Variants in FXR2 observed in about 807,000 individuals in gnomAD.
FXR2 encodes FMR1 autosomal homolog 2.
A neutral mutation model predicts 87.3 loss-of-function variants in FXR2; 9 were observed. That is an observed-to-expected ratio of 0.10 (90% CI 0.06 to 0.18). The LOEUF is 0.18. FXR2 is among the 10% of genes least tolerant of loss of function. The probability of loss-of-function intolerance (pLI) is 1.00; values close to 1 mark genes in which losing one functional copy is unlikely to be tolerated. For synonymous variants in FXR2, 331 were observed against 328.3 expected (o/e 1.01, Z -0.09); for missense variants, 661 against 893.6 (o/e 0.74, Z 3.32).
intron 1 of FXR2, among the ~76,000 whole-genome samples, chr17:7,613,730 T>C (rs1273725835): frequency 6.6e-6 from 1 of 152,208 alleles, no homozygotes; most frequent in Non-Finnish European, 1.5e-5. Context: ...TGAAGGTATC[T>C]GAGGTCTAAG....
chr17:7,605,915 G>A (rs1461213916), intron 2 of FXR2, 177 bp from the exon 3 acceptor site: 9 of 642,780 alleles, frequency 1.4e-5, no homozygotes, highest in Non-Finnish European at 2.2e-5. Context: ...CTAAATACTG[G>A]GTCAAATGCC....
rs1310400886 is a variant in FXR2, at chr17:7,595,535, C to G, written c.831+289G>C. Among the ~76,000 whole-genome samples the G allele has an allele frequency of 6.6e-6, 1 of 152,104 alleles. No individual in the cohort carries two copies. The highest frequency in any genetic ancestry group is 1.5e-5 in the Non-Finnish European group (1 of 68,034). ...CAGGTTGTTCTCCAACTCCCAGGCT[C>G]AAGTGATCCTCCCCTCTATCTTCCC... On this transcript the variant is annotated intron_variant, in intron 8 of 16. Transcript: ENST00000250113. The surrounding 1 kb of genome is among the most constrained non-coding windows in gnomAD (Gnocchi z 4.7).
At chr17:7,612,049 A>G (rs2071868985) in intron 1 of FXR2, among the ~76,000 whole-genome samples, 2 of 152,166 alleles carry the variant, frequency 1.3e-5, no homozygotes, top group African/African-American at 2.4e-5. Flanking sequence ...AGCACACAGG[A>G]GAAAGGGAAA....
intron 1 of FXR2, among the ~76,000 whole-genome samples, chr17:7,609,963 T>TATAC (rs2071841432): frequency 9.2e-6 from 1 of 108,528 alleles, no homozygotes; most frequent in African/African-American, 2.8e-5. Flanking sequence ...TACATATATA[T>TATAC]ACATGTATAT....
rs1483973700 is a variant in FXR2, at chr17:7,593,174, G to A, written c.1338C>T (p.Ser446=). Residue 446 remains serine (S), a synonymous_variant, in exon 13 of 17, where the codon AGC becomes AGT. Coordinates refer to ENST00000250113, the MANE Select transcript of FXR2 (RefSeq NM_004860.4). This position sits in a 1 kb window ranked among gnomAD's most constrained non-coding sequence, Gnocchi z 6.1. ...TCTCTGAAGCTGTAGACACATCTGA[G>A]CTGGGGCCTGAAGAACACAATGGGA... is the stretch of plus-strand genomic sequence containing the variant. The part of the protein sequence containing the change: ...RRTGGPAYGP[S]SDVSTASETE... 2.0e-6 allele frequency: 3 copies of A among 1,520,368 alleles called. No individual in the cohort carries two copies. The highest frequency in any genetic ancestry group is 1.8e-6 in the Non-Finnish European group (2 of 1,135,700). The allele number at this position is 1,520,368 out of a possible 1,614,324, so 94.2% of individuals were successfully genotyped here. A position where few individuals can be genotyped will look rare whatever the true frequency, so the allele number is the denominator to read the frequency against.
intron 2 of FXR2, 29 bp downstream of exon 2, chr17:7,606,068 T>C: frequency 2.8e-6 from 4 of 1,416,990 alleles, no homozygotes; most frequent in East Asian, 2.5e-5. Context: ...GGACCTAGTA[T>C]GCTGGATTCT....
At chr17:7,606,231 C>T (rs542397778) in intron 1 of FXR2, 82 bp from the exon 2 acceptor site, 1 of 895,424 alleles carries the variant, frequency 1.1e-6, no homozygotes, top group Non-Finnish European at 1.8e-6. Context: ...TAAGACACCA[C>T]AAAACCTTAA....
At chr17:7,603,541 A>AG (rs2071777451) in intron 5 of FXR2, among the ~76,000 whole-genome samples, 3 of 151,620 alleles carry the variant, frequency 2.0e-5, no homozygotes, top group African/African-American at 7.3e-5. Flanking sequence ...AAAAAAAAAA[A>AG]AAAGAAAGAA....
At chr17:7,597,953 CAGG>C (rs1401900516) in intron 7 of FXR2, among the ~76,000 whole-genome samples, 3 of 150,646 alleles carry the variant, frequency 2.0e-5, no homozygotes, top group African/African-American at 7.3e-5. Context: ...GGAGCCTGGT[CAGG>C]AGACCAAATA....
At chr17:7,611,865 T>A (rs1466489905) in intron 1 of FXR2, among the ~76,000 whole-genome samples, 2 of 151,928 alleles carry the variant, frequency 1.3e-5, no homozygotes, top group Non-Finnish European at 2.9e-5. Context: ...GTACTGAGAG[T>A]GGAAGATTAG....
rs911439923 is a variant in FXR2 at position 7,593,042 on chromosome 17, C to T, written c.1470G>A (p.Arg490=). 3 of 1,576,752 alleles carry T rather than the reference C, an allele frequency of 1.9e-6. No individual in the cohort carries two copies. The African/African-American group carries it at 4.1e-5, about 22-fold the overall frequency. The change falls in exon 13 of 17, where the codon AGG becomes AGA. Residue 490 remains arginine (R), a synonymous_variant. Coordinates refer to ENST00000250113, the MANE Select transcript of FXR2 (RefSeq NM_004860.4). The surrounding 1 kb of genome is among the most constrained non-coding windows in gnomAD (Gnocchi z 6.1). ...TGGGCCGGGGGGCAGGTGGGGGTCC[C>T]CTACCCCGGCCCCCAGTCGGCCGCC... The part of the protein sequence containing the change: ...SRRRPTGGRG[R]GPPPAPRPTS...
chr17:7,612,762 C>T (rs1394404114), intron 1 of FXR2, among the ~76,000 whole-genome samples: 3 of 151,672 alleles, frequency 2.0e-5, no homozygotes, highest in African/African-American at 4.8e-5. Context: ...TTTGGGAGGC[C>T]GAAGCAGGTG....
At chr17:7,600,405 G>C (rs960789188) in intron 7 of FXR2, among the ~76,000 whole-genome samples, 2 of 151,426 alleles carry the variant, frequency 1.3e-5, no homozygotes, top group African/African-American at 4.9e-5. Context: ...CACCAGTCTC[G>C]ACTCCCAACC....
intron 3 of FXR2, 98 bp downstream of exon 3, chr17:7,605,547 T>C (rs2071796223): frequency 2.9e-6 from 2 of 677,992 alleles, no homozygotes; most frequent in Non-Finnish European, 5.4e-6. Flanking sequence ...TGGCTGGATA[T>C]GGCTTAGTTG....
rs1567751709 is a variant in FXR2 at position 7,604,097 on chromosome 17, AATCAAAGAGAT to A, written c.229-28_229-18del. 6.5e-7 allele frequency: 1 copy of A among 1,546,678 alleles called. No homozygotes were observed. Among genetic ancestry groups the A allele is most frequent in the Non-Finnish European group, 8.8e-7 (1 of 1,141,494 alleles). The stretch of plus-strand genomic sequence containing the variant: ...AGAATAAACCTAAAGAAAAGTAGAG[AATCAAAGAGAT>A]ATTGAAGACCACCCAAAAGCATCAA... On this transcript the variant is annotated intron_variant, in intron 3 of 16. Coordinates refer to ENST00000250113, the MANE Select transcript of FXR2 (RefSeq NM_004860.4).
chr17:7,609,088 G>A (rs2071828221), intron 1 of FXR2, among the ~76,000 whole-genome samples: 1 of 152,122 alleles, frequency 6.6e-6, no homozygotes, highest in South Asian at 2.1e-4. Flanking sequence ...CATAGCTTGG[G>A]CAACACAGCA....
chr17:7,593,982 A>G lies in FXR2; in HGVS notation c.1043T>C (p.Val348Ala). The change falls in exon 11 of 17, where the codon GTT becomes GCT. Residue 348 changes from valine to alanine, a missense_variant. Coordinates refer to ENST00000250113, the MANE Select transcript of FXR2 (RefSeq NM_004860.4). The surrounding 1 kb of genome is among the most constrained non-coding windows in gnomAD (Gnocchi z 6.1). ...ATTGCTGATGTTCTCTCGGGTGCCA[A>G]CAAAAATGAAGGGAACCATTCCCTA... ...REEGMVPFIFVGTRENISNAQ... is the reference protein window; with the variant it reads ...REEGMVPFIFAGTRENISNAQ... 6.2e-7 allele frequency: 1 copy of G among 1,608,534 alleles called. No homozygotes were observed. The highest frequency in any genetic ancestry group is 8.5e-7 in the Non-Finnish European group (1 of 1,174,900).
At chr17:7,605,835 C>T in intron 2 of FXR2, 97 bp from the exon 3 acceptor site, 1 of 760,686 alleles carries the variant, frequency 1.3e-6, no homozygotes, top group Non-Finnish European at 2.3e-6. Flanking sequence ...CGAGTTCCAC[C>T]TATCTGGATA....
chr17:7,608,900 A>T (rs530340035), intron 1 of FXR2, among the ~76,000 whole-genome samples: 1 of 152,240 alleles, frequency 6.6e-6, no homozygotes, highest in African/African-American at 2.4e-5. Flanking sequence ...GATGTTTTTT[A>T]AAAAAATTAG....
Sources: allele counts gnomAD v4.1 joint callset (sites outside exome capture counted in the v4.1 genomes callset), GRCh38; gene constraint gnomAD v4.1.1; non-coding constraint Gnocchi (gnomAD v3.1); transcripts MANE v1.5; gene names NCBI Gene and HGNC (gene_info 2026-07-23, HGNC 2026-07-21).